Variants in NRCAM observed in about 807,000 individuals in gnomAD.
The protein encoded by NRCAM is NgCAM-related cell adhesion molecule.
NRCAM carries 83 observed loss-of-function variants against 156.5 expected under a neutral mutation model. That is an observed-to-expected ratio of 0.53 (90% CI 0.44 to 0.64). NRCAM has a LOEUF of 0.64. Among genes scored for constraint, NRCAM ranks in the 30% least tolerant of loss-of-function variants. The probability of loss-of-function intolerance (pLI) is 0.00; values close to 1 mark genes in which losing one functional copy is unlikely to be tolerated. For synonymous variants in NRCAM, 538 were observed against 563.9 expected (o/e 0.95, Z 0.65); for missense variants, 1,417 against 1,597.3 (o/e 0.89, Z 1.92).
At chr7:108,456,585 G>A (rs1392482787), upstream of NRCAM, 1 of 152,304 alleles carries the variant, frequency 6.6e-6, no homozygotes, top group East Asian at 1.9e-4. Flanking sequence ...CTCCCCTCCT[G>A]GCCAACCCCC....
At chr7:108,335,481 G>GTGGCTGGC (rs1469030036) in intron 2 of NRCAM, among the ~76,000 whole-genome samples, 1 of 111,558 alleles carries the variant, frequency 9.0e-6, no homozygotes, top group Non-Finnish European at 1.7e-5. Context: ...GCAAAGACAA[G>GTGGCTGGC]TGGCTGGCTG....
At chr7:108,225,032 G>C (rs975534847) in intron 10 of NRCAM, among the ~76,000 whole-genome samples, 3 of 152,096 alleles carry the variant, frequency 2.0e-5, no homozygotes, top group African/African-American at 7.2e-5. Flanking sequence ...GACTCTACTT[G>C]AGAACATTTC....
chr7:108,209,824 G>A (rs192961651), intron 11 of NRCAM, among the ~76,000 whole-genome samples: 1 of 152,084 alleles, frequency 6.6e-6, no homozygotes, highest in Non-Finnish European at 1.5e-5. Context: ...CATAAACTTC[G>A]ATGTCAATGA....
intron 2 of NRCAM, among the ~76,000 whole-genome samples, chr7:108,337,209 G>A (rs1314245159): frequency 6.6e-6 from 1 of 151,136 alleles, no homozygotes; most frequent in African/African-American, 2.4e-5. Context: ...GTTGCAGTGA[G>A]CTGAGACTGT....
intron 2 of NRCAM, among the ~76,000 whole-genome samples, chr7:108,330,470 C>T (rs756487528): frequency 1.3e-5 from 2 of 152,148 alleles, no homozygotes; most frequent in African/African-American, 4.8e-5. Flanking sequence ...CCATTAAACA[C>T]GAAATGTTTC....
intron 2 of NRCAM, among the ~76,000 whole-genome samples, chr7:108,350,034 T>C (rs1193076967): frequency 6.6e-6 from 1 of 152,222 alleles, no homozygotes; most frequent in Admixed American, 6.5e-5. Flanking sequence ...TCCCTGAATC[T>C]ATCAAATTCT....
intron 22 of NRCAM, among the ~76,000 whole-genome samples, chr7:108,183,609 G>A (rs2077501): frequency 3.0e-4 from 45 of 151,034 alleles, no homozygotes; most frequent in Middle Eastern, 3.4e-3. Flanking sequence ...TAATCTCGGC[G>A]CACTGCAACC....
At chr7:108,357,172 G>A (rs1240913907) in intron 2 of NRCAM, among the ~76,000 whole-genome samples, 2 of 152,092 alleles carry the variant, frequency 1.3e-5, no homozygotes, top group Admixed American at 6.5e-5. Context: ...AGTCTCCATT[G>A]GGAGCTTTAC....
chr7:108,176,285 T>C, intron 27 of NRCAM, 145 bp downstream of exon 27: 2 of 681,002 alleles, frequency 2.9e-6, no homozygotes, highest in Admixed American at 2.8e-5. Context: ...TAGCTGATTA[T>C]ATATCAGAAT....
intron 3 of NRCAM, among the ~76,000 whole-genome samples, chr7:108,298,298 C>T (rs2098493783): frequency 6.6e-6 from 1 of 151,806 alleles, no homozygotes; most frequent in African/African-American, 2.4e-5. Context: ...TAGGGTGTGA[C>T]AATGTAAGGG....
chr7:108,300,443 T>A (rs947592151), intron 3 of NRCAM, among the ~76,000 whole-genome samples: 1 of 152,148 alleles, frequency 6.6e-6, no homozygotes, highest in South Asian at 2.1e-4. Flanking sequence ...AAAAGGTCAT[T>A]ATGTCATGCA....
At chr7:108,391,400 G>GC (rs1316593599) in intron 2 of NRCAM, among the ~76,000 whole-genome samples, 3 of 152,024 alleles carry the variant, frequency 2.0e-5, no homozygotes, top group African/African-American at 7.3e-5. Flanking sequence ...TGCAACCCCT[G>GC]CTTTTTTTTT....
chr7:108,336,155 T>C (rs1393097509), intron 2 of NRCAM, among the ~76,000 whole-genome samples: 1 of 152,154 alleles, frequency 6.6e-6, no homozygotes, highest in African/African-American at 2.4e-5. Flanking sequence ...ATTTAAGAGG[T>C]TGTCTAATAC....
chr7:108,397,437 C>G (rs1484818361), intron 2 of NRCAM, among the ~76,000 whole-genome samples: 1 of 152,130 alleles, frequency 6.6e-6, no homozygotes, highest in Admixed American at 6.5e-5. Context: ...CAGACATTCC[C>G]TCAAAGAAGG....
In NRCAM at chr7:108,182,607, C is replaced by T. The variant is rs577372444; in HGVS notation, c.2530+88G>A. 45 of 1,206,596 alleles carry T rather than the reference C, an allele frequency of 3.7e-5. No homozygotes were observed. The African/African-American group carries it at 5.8e-4, about 16-fold the overall frequency. 74.7% of individuals were successfully genotyped at this position (1,206,596 alleles called of 1,614,324 possible). The stretch of plus-strand genomic sequence containing the variant: ...TGCAAAATAATTGCCACCTCCCTCC[C>T]TTGCAACCTGAGCAAGGAGAAATGG... On this transcript the variant is annotated intron_variant, in intron 23 of 32. Coordinates refer to ENST00000379028, the MANE Select transcript of NRCAM (RefSeq NM_001037132.4).
chr7:108,150,659 T>A lies in NRCAM; in HGVS notation c.3678-512A>T, dbSNP rs142542549. 3.5e-3 allele frequency: 1,782 copies of A among 509,834 alleles called. 21 individuals are homozygous for A. Among genetic ancestry groups the A allele is most frequent in the African/African-American group, 0.022 (1,078 of 50,104 alleles). 31.6% of individuals were successfully genotyped at this position (509,834 alleles called of 1,614,324 possible). On this transcript the variant is annotated intron_variant, in intron 32 of 32. Coordinates refer to ENST00000379028, the MANE Select transcript of NRCAM (RefSeq NM_001037132.4). ...AATCCTGCATTTCAAATAATTTTGT[T>A]ATCAATGCAGGCCAGACTGTAAACT...
intron 13 of NRCAM, among the ~76,000 whole-genome samples, chr7:108,201,710 C>T (rs540529899): frequency 6.6e-6 from 1 of 152,268 alleles, no homozygotes; most frequent in Admixed American, 6.5e-5. Flanking sequence ...TTTTCTGTTG[C>T]TCTCAGTTGC....
intron 28 of NRCAM, among the ~76,000 whole-genome samples, chr7:108,175,121 A>G (rs1033843469): frequency 2.0e-5 from 3 of 152,212 alleles, no homozygotes; most frequent in Non-Finnish European, 4.4e-5. Context: ...CTCAAGAAAA[A>G]ATGTTTTGAG....
At chr7:108,428,472 G>A (rs150877248) in intron 1 of NRCAM, among the ~76,000 whole-genome samples, 1 of 152,304 alleles carries the variant, frequency 6.6e-6, no homozygotes, top group East Asian at 1.9e-4. Context: ...CTCTGCACAA[G>A]TGACCTTTCA....
Sources: gnomAD v4.1 joint callset for allele counts (sites outside exome capture counted in the v4.1 genomes callset) on GRCh38, gnomAD v4.1.1 for gene constraint, MANE v1.5 for transcripts, NCBI Gene and HGNC (gene_info 2026-07-23, HGNC 2026-07-21) for gene names.